RBFOX1: variants seen among roughly 807,000 people sequenced by gnomAD.
RBFOX1 encodes RNA binding fox-1 homolog 1, also known as RNA binding protein fox-1 homolog 1.
Under a neutral mutation model 57.7 loss-of-function variants are expected in RBFOX1, and 8 were observed. That is an observed-to-expected ratio of 0.14 (90% CI 0.08 to 0.25). RBFOX1 has a LOEUF of 0.25. RBFOX1 is among the 10% of genes least tolerant of loss of function. The pLI, the probability that RBFOX1 is intolerant of heterozygous loss-of-function variation, is 1.00. For synonymous variants in RBFOX1, 326 were observed against 222.4 expected, an observed-to-expected ratio of 1.47 and a Z score of -4.15; for missense variants, 611 against 548.5, an observed-to-expected ratio of 1.11 and a Z score of -1.14.
chr16:7,458,926 T>C (rs534578561), intron 4 of RBFOX1, among the ~76,000 whole-genome samples: 1 of 152,380 alleles, frequency 6.6e-6, no homozygotes, highest in Admixed American at 6.5e-5. Context: ...GTAGATATTT[T>C]AGCATGTTTT....
intron 3 of RBFOX1, among the ~76,000 whole-genome samples, chr16:6,670,923 C>A (rs2098760510): frequency 6.6e-6 from 1 of 152,066 alleles, no homozygotes; most frequent in Non-Finnish European, 1.5e-5. Flanking sequence ...AGGCGTGAAC[C>A]CAGGAGGCGG....
intron 1 of RBFOX1, among the ~76,000 whole-genome samples, chr16:6,148,454 T>G (rs1006625431): frequency 1.3e-5 from 2 of 152,242 alleles, no homozygotes; most frequent in African/African-American, 4.8e-5. Flanking sequence ...TCCCACCTCC[T>G]GGAACACTCA....
chr16:5,560,442 G>A (rs1397255181), intron 2 of RBFOX1, among the ~76,000 whole-genome samples: 2 of 152,090 alleles, frequency 1.3e-5, no homozygotes, highest in Non-Finnish European at 2.9e-5. Flanking sequence ...CCGCACTCCG[G>A]TGTTATTACA....
At chr16:5,846,383 G>T (rs1040447839) in intron 3 of RBFOX1, among the ~76,000 whole-genome samples, 2 of 150,432 alleles carry the variant, frequency 1.3e-5, no homozygotes, top group Admixed American at 1.3e-4. Context: ...GGAAAGGAAG[G>T]TAACTTCTAT....
chr16:5,767,500 G>T (rs559997693), intron 3 of RBFOX1, among the ~76,000 whole-genome samples: 22 of 152,254 alleles, frequency 1.4e-4, no homozygotes, highest in South Asian at 1.0e-3. Context: ...GTGTGTATGG[G>T]TTCAGAGCCC....
At chr16:7,110,951 C>G (rs992261802) in intron 4 of RBFOX1, among the ~76,000 whole-genome samples, 6 of 152,248 alleles carry the variant, frequency 3.9e-5, no homozygotes, top group Non-Finnish European at 7.4e-5. Flanking sequence ...CATGCTCTCC[C>G]TGAAATTGTG....
intron 2 of RBFOX1, among the ~76,000 whole-genome samples, chr16:6,385,532 G>C (rs777041631): frequency 6.6e-6 from 1 of 152,142 alleles, no homozygotes; most frequent in Non-Finnish European, 1.5e-5. Flanking sequence ...GATAATTTTT[G>C]TATTTTTAGC....
chr16:6,242,125 A>G (rs958297376), intron 1 of RBFOX1, among the ~76,000 whole-genome samples: 11 of 152,312 alleles, frequency 7.2e-5, no homozygotes, highest in Admixed American at 5.2e-4. Context: ...ATTTCCATTC[A>G]TGTATAAGTC....
chr16:6,820,102 G>C (rs981043512), intron 3 of RBFOX1, among the ~76,000 whole-genome samples: 12 of 152,130 alleles, frequency 7.9e-5, no homozygotes, highest in Admixed American at 7.2e-4. Context: ...TAGTGAGTAA[G>C]TCTCATGAAA....
Position 5,302,748 on chromosome 16 carries a change from T to C in RBFOX1, c.219+62643T>C, listed in dbSNP as rs369184944. 4.6e-5 allele frequency among the ~76,000 whole-genome samples: 7 copies of C among 152,224 alleles called. No individual in the cohort carries two copies. The East Asian group carries it at 1.2e-3, about 25-fold the overall frequency. The stretch of plus-strand genomic sequence containing the variant: ...CTGATATTATTCATGCCAAACCAGC[T>C]CTCTAACACTTAGTGTTTGCATGGT... On this transcript the variant is annotated intron_variant, in intron 1 of 2. Transcript: ENST00000585867.
chr16:6,288,353 T>A (rs1053544282), intron 1 of RBFOX1, among the ~76,000 whole-genome samples: 2 of 152,156 alleles, frequency 1.3e-5, no homozygotes, highest in Non-Finnish European at 2.9e-5. Context: ...AAATATAGAT[T>A]CAGATTTGGA....
chr16:5,725,515 T>C (rs2052113517), intron 3 of RBFOX1, among the ~76,000 whole-genome samples: 1 of 151,890 alleles, frequency 6.6e-6, no homozygotes, highest in East Asian at 2.0e-4. Flanking sequence ...TTCTCCTACC[T>C]TAGCCTCCAA....
intron 4 of RBFOX1, among the ~76,000 whole-genome samples, chr16:7,063,128 A>G (rs944361782): frequency 6.6e-6 from 1 of 151,892 alleles, no homozygotes; most frequent in Admixed American, 6.6e-5. Context: ...TTGACAGCTA[A>G]GAGAAAGGAG....
downstream of RBFOX1, among the ~76,000 whole-genome samples, chr16:5,604,027 C>G (rs1023219938): frequency 2.0e-5 from 3 of 152,142 alleles, no homozygotes; most frequent in African/African-American, 7.2e-5. Context: ...GCCATTCCCC[C>G]CTTCTATACT....
intron 2 of RBFOX1, among the ~76,000 whole-genome samples, chr16:6,493,551 T>C (rs887930066): frequency 3.9e-5 from 6 of 152,208 alleles, no homozygotes; most frequent in African/African-American, 1.4e-4. Context: ...TGAATAGCTG[T>C]GTATGAAAAT....
At chr16:6,646,006 G>T (rs2098531381) in intron 2 of RBFOX1, among the ~76,000 whole-genome samples, 1 of 152,132 alleles carries the variant, frequency 6.6e-6, no homozygotes, top group Non-Finnish European at 1.5e-5. Flanking sequence ...CCGCTGTTCA[G>T]GGTTTCCCGG....
At chr16:7,221,949 T>A (rs2092763024) in intron 4 of RBFOX1, among the ~76,000 whole-genome samples, 1 of 152,176 alleles carries the variant, frequency 6.6e-6, no homozygotes, top group African/African-American at 2.4e-5. Flanking sequence ...AGAAGAGGCT[T>A]CTAAGTCTTG....
At chr16:6,239,140 C>G (rs2097526367) in intron 1 of RBFOX1, among the ~76,000 whole-genome samples, 1 of 152,134 alleles carries the variant, frequency 6.6e-6, no homozygotes, top group African/African-American at 2.4e-5. Context: ...CATACACTGT[C>G]CACCATCATG....
At chr16:6,163,032 C>T (rs374448363) in intron 1 of RBFOX1, among the ~76,000 whole-genome samples, 3 of 152,298 alleles carry the variant, frequency 2.0e-5, no homozygotes, top group East Asian at 3.9e-4. Flanking sequence ...CTGTGCCTAT[C>T]CCACAACGTG....
Sources: allele counts gnomAD v4.1 joint callset (sites outside exome capture counted in the v4.1 genomes callset), GRCh38; gene constraint gnomAD v4.1.1; transcripts MANE v1.5; gene names NCBI Gene and HGNC (gene_info 2026-07-23, HGNC 2026-07-21).